The following MAP3K20 variants were observed in gnomAD, a reference collection of about 807,000 sequenced individuals.
MAP3K20 encodes the protein HCCS-4.
A neutral mutation model predicts 85.7 loss-of-function variants in MAP3K20; 40 were observed. The observed-to-expected ratio is 0.47, with a 90% CI of 0.36 to 0.61. MAP3K20 has a LOEUF of 0.61. MAP3K20 is among the 20% of genes least tolerant of loss of function. The probability of loss-of-function intolerance (pLI) is 0.00; values close to 1 mark genes in which losing one functional copy is unlikely to be tolerated. For synonymous variants in MAP3K20, 325 were observed against 327.7 expected (o/e 0.99, Z 0.09); for missense variants, 817 against 961.7 (o/e 0.85, Z 1.99).
intron 16 of MAP3K20, among the ~76,000 whole-genome samples, chr2:173,241,896 A>C (rs1684791145): frequency 6.6e-6 from 1 of 152,200 alleles, no homozygotes; most frequent in Non-Finnish European, 1.5e-5. Flanking sequence ...TCCTGTTGTT[A>C]GAAGGAGCTA....
intron 2 of MAP3K20, among the ~76,000 whole-genome samples, chr2:173,108,421 G>A (rs192661638): frequency 9.3e-4 from 141 of 152,320 alleles, no homozygotes; most frequent in Middle Eastern, 3.4e-3. Context: ...GTGAGCCACC[G>A]CGCCCGGCAT....
chr2:173,161,782 A>G (rs970789462), intron 2 of MAP3K20, among the ~76,000 whole-genome samples: 1 of 152,142 alleles, frequency 6.6e-6, no homozygotes, highest in African/African-American at 2.4e-5. Flanking sequence ...CTCAGAACCT[A>G]TGGCCTTCTG....
chr2:173,156,814 G>A (rs190710145), intron 2 of MAP3K20, among the ~76,000 whole-genome samples: 51 of 152,314 alleles, frequency 3.3e-4, no homozygotes, highest in African/African-American at 1.1e-3. Context: ...AGTTCCTGGC[G>A]TAGACAAAGT....
chr2:173,144,555 G>C (rs1689082939), intron 2 of MAP3K20, among the ~76,000 whole-genome samples: 1 of 113,798 alleles, frequency 8.8e-6, no homozygotes, highest in Non-Finnish European at 1.8e-5. Context: ...AAGTAGCTGG[G>C]AGTGGGGGGG....
intron 2 of MAP3K20, among the ~76,000 whole-genome samples, chr2:173,143,331 C>G (rs1189271032): frequency 6.6e-6 from 1 of 152,014 alleles, no homozygotes; most frequent in Non-Finnish European, 1.5e-5. Flanking sequence ...AACAGAGCTT[C>G]AAAATACATG....
At chr2:173,174,020 A>G (rs962832909) in intron 3 of MAP3K20, among the ~76,000 whole-genome samples, 1 of 152,222 alleles carries the variant, frequency 6.6e-6, no homozygotes, top group Admixed American at 6.5e-5. Context: ...CTATATGTGT[A>G]TATAGTGAGT....
chr2:173,105,733 A>G (rs892207983), intron 2 of MAP3K20, among the ~76,000 whole-genome samples: 1 of 152,184 alleles, frequency 6.6e-6, no homozygotes, highest in Non-Finnish European at 1.5e-5. Flanking sequence ...AAAAAGTAGA[A>G]TAGAGATTAC....
chr2:173,130,341 GA>G (rs1444946534), intron 2 of MAP3K20, among the ~76,000 whole-genome samples: 17 of 152,084 alleles, frequency 1.1e-4, no homozygotes, highest in Non-Finnish European at 1.5e-4. Flanking sequence ...GCACCTTATA[GA>G]CAATATAGAT....
chr2:173,226,782 A>G, intron 11 of MAP3K20: 2 of 984,888 alleles, frequency 2.0e-6, no homozygotes, highest in Non-Finnish European at 2.4e-6. Context: ...TGCACTCTTA[A>G]AATTTTTGTA....
chr2:173,088,442 A>G (rs1013599414), intron 1 of MAP3K20, among the ~76,000 whole-genome samples: 3 of 152,252 alleles, frequency 2.0e-5, no homozygotes, highest in African/African-American at 7.2e-5. Context: ...ACAGAAGTTA[A>G]TAGATAATAT....
chr2:173,212,797 CAAAAAAAAAAAA>C (rs61126157), intron 10 of MAP3K20: 1 of 101,040 alleles, frequency 9.9e-6, no homozygotes, highest in African/African-American at 3.9e-5. Flanking sequence ...AGATCCTATT[CAAAAAAAAAAAA>C]AAAAAAAGAA....
chr2:173,141,259 A>G lies in MAP3K20; in HGVS notation c.160-28546A>G, dbSNP rs1403442058. 2.0e-5 allele frequency among the ~76,000 whole-genome samples: 3 copies of G among 152,192 alleles called. No homozygotes were observed. The East Asian group carries it at 5.8e-4, about 29-fold the overall frequency. On this transcript the variant is annotated intron_variant, in intron 2 of 19. Transcript: ENST00000375213. The stretch of plus-strand genomic sequence containing the variant: ...AAAAACTAGACATGTGAAGTAAAAC[A>G]TATTAGACATGTGAAGTTGTAATTA...
intron 10 of MAP3K20, chr2:173,212,542 T>TA (rs1683939007): frequency 6.6e-6 from 1 of 152,370 alleles, no homozygotes; most frequent in Non-Finnish European, 1.5e-5. Flanking sequence ...CTCACACCTG[T>TA]AATCCCAACA....
intron 16 of MAP3K20, 103 bp from the exon 17 acceptor site, chr2:173,258,596 C>T (rs1388953709): frequency 3.2e-6 from 2 of 632,190 alleles, no homozygotes; most frequent in Admixed American, 3.1e-5. Flanking sequence ...AAAGCCACTC[C>T]AATAATACTT....
chr2:173,128,819 T>C (rs1688521764), intron 2 of MAP3K20, among the ~76,000 whole-genome samples: 1 of 152,152 alleles, frequency 6.6e-6, no homozygotes, highest in African/African-American at 2.4e-5. Flanking sequence ...AACCTGTTTT[T>C]CCTGTGGTAA....
chr2:173,265,080 G>A (rs906361023), intron 19 of MAP3K20, among the ~76,000 whole-genome samples: 5 of 152,216 alleles, frequency 3.3e-5, no homozygotes, highest in Non-Finnish European at 5.9e-5. Flanking sequence ...ATGGACTGAA[G>A]CCTGGGAGGA....
At chr2:173,185,374 G>C (rs914042479) in intron 4 of MAP3K20, among the ~76,000 whole-genome samples, 1 of 152,118 alleles carries the variant, frequency 6.6e-6, no homozygotes, top group African/African-American at 2.4e-5. Context: ...AGGCAGAGAA[G>C]AGGCTTGTAT....
intron 2 of MAP3K20, among the ~76,000 whole-genome samples, chr2:173,103,086 A>G (rs139740781): frequency 1.3e-5 from 2 of 152,148 alleles, no homozygotes; most frequent in East Asian, 3.8e-4. Context: ...AAAAAGAAAT[A>G]TATACTCATT....
intron 18 of MAP3K20, 36 bp downstream of exon 18, chr2:173,261,173 A>G (rs1685283104): frequency 6.3e-7 from 1 of 1,590,880 alleles, no homozygotes. Flanking sequence ...TGGCCTCACC[A>G]TCAGTTAATG....
Sources: allele counts gnomAD v4.1 joint callset (sites outside exome capture counted in the v4.1 genomes callset), GRCh38; gene constraint gnomAD v4.1.1; transcripts MANE v1.5; gene names NCBI Gene and HGNC (gene_info 2026-07-23, HGNC 2026-07-21).